FBXL7: variants seen among roughly 807,000 people sequenced by gnomAD.
FBXL7 encodes the protein F-box/LRR-repeat protein 7.
In FBXL7, 12 loss-of-function variants were observed where a neutral mutation model predicts 38.3. The observed-to-expected ratio is 0.31, with a 90% CI of 0.20 to 0.51. FBXL7 has a LOEUF of 0.51. Among genes scored for constraint, FBXL7 ranks in the 20% least tolerant of loss-of-function variants. The pLI is 0.98. For synonymous variants in FBXL7, 297 were observed against 300.9 expected (o/e 0.99, Z 0.13); for missense variants, 567 against 676.4 (o/e 0.84, Z 1.79).
intron 2 of FBXL7, among the ~76,000 whole-genome samples, chr5:15,863,658 G>T (rs190258290): frequency 6.6e-6 from 1 of 152,208 alleles, no homozygotes; most frequent in African/African-American, 2.4e-5. Flanking sequence ...GGGAGGTGGG[G>T]CCTAGTGGGA....
chr5:15,755,448 CTG>C (rs1736271850), intron 2 of FBXL7, among the ~76,000 whole-genome samples: 1 of 152,094 alleles, frequency 6.6e-6, no homozygotes, highest in African/African-American at 2.4e-5. Flanking sequence ...CTCTTTCTCT[CTG>C]TGTCTCCCAT....
intron 1 of FBXL7, chr5:15,501,791 A>G: frequency 1.0e-6 from 1 of 968,650 alleles, no homozygotes; most frequent in Non-Finnish European, 1.2e-6. Context: ...TACAAAAACC[A>G]TATCCACAAG....
At position 15,556,704 on chromosome 5, in the gene FBXL7, C is replaced by G. The variant is rs1263053901; in HGVS notation, c.37+55991C>G. On this transcript the variant is annotated intron_variant, in intron 1 of 3. Coordinates refer to ENST00000504595, the MANE Select transcript of FBXL7 (RefSeq NM_012304.5). ...AATCAATTTTTAGACTCCTCTTCAT[C>G]TTCTATTTGCATGACTGTGCCAATC... is the stretch of plus-strand genomic sequence containing the variant. Among the ~76,000 whole-genome samples, 4 of 152,154 alleles carry G rather than the reference C, an allele frequency of 2.6e-5. No homozygotes were observed. The South Asian group carries it at 8.3e-4, about 32-fold the overall frequency.
chr5:15,788,711 C>T (rs562871976), intron 2 of FBXL7, among the ~76,000 whole-genome samples: 7 of 151,688 alleles, frequency 4.6e-5, no homozygotes, highest in East Asian at 3.9e-4. Context: ...TTTTCTTTGA[C>T]GGAGTCTCGC....
At chr5:15,685,479 T>C (rs1214143535) in intron 2 of FBXL7, among the ~76,000 whole-genome samples, 1 of 152,176 alleles carries the variant, frequency 6.6e-6, no homozygotes, top group Admixed American at 6.5e-5. Context: ...GGGGAGACTA[T>C]TTCAGGTGAA....
At chr5:15,856,081 T>C (rs1177683153) in intron 2 of FBXL7, among the ~76,000 whole-genome samples, 1 of 152,170 alleles carries the variant, frequency 6.6e-6, no homozygotes, top group African/African-American at 2.4e-5. Flanking sequence ...AGAGGTTTCA[T>C]TGGACATATA....
chr5:15,834,642 TC>T (rs1200118631), intron 2 of FBXL7, among the ~76,000 whole-genome samples: 1 of 152,198 alleles, frequency 6.6e-6, no homozygotes, highest in Non-Finnish European at 1.5e-5. Context: ...TAAATGCACA[TC>T]TTTCTGATTA....
intron 3 of FBXL7, among the ~76,000 whole-genome samples, chr5:15,929,873 G>T (rs1358854465): frequency 1.3e-5 from 2 of 152,144 alleles, no homozygotes; most frequent in Non-Finnish European, 2.9e-5. Context: ...ACCTCAGGGA[G>T]TTTGGGGGAG....
At chr5:15,859,582 G>T (rs958332021) in intron 2 of FBXL7, among the ~76,000 whole-genome samples, 6 of 152,242 alleles carry the variant, frequency 3.9e-5, no homozygotes, top group Middle Eastern at 3.4e-3. Context: ...GTCATGTCTC[G>T]CATGGCGGCA....
chr5:15,713,853 A>G (rs1743956785), intron 2 of FBXL7, among the ~76,000 whole-genome samples: 1 of 152,240 alleles, frequency 6.6e-6, no homozygotes, highest in Non-Finnish European at 1.5e-5. Flanking sequence ...GGTGGATGAT[A>G]AAAAGTCTCT....
intron 2 of FBXL7, among the ~76,000 whole-genome samples, chr5:15,721,219 A>G (rs1744186296): frequency 6.6e-6 from 1 of 152,122 alleles, no homozygotes; most frequent in African/African-American, 2.4e-5. Flanking sequence ...TGGCTTATAG[A>G]CCATTTCTTG....
At chr5:15,726,300 C>T (rs1416584806) in intron 2 of FBXL7, among the ~76,000 whole-genome samples, 1 of 152,024 alleles carries the variant, frequency 6.6e-6, no homozygotes, top group Non-Finnish European at 1.5e-5. Context: ...TGGCTATTGT[C>T]CCAGCTACTC....
chr5:15,670,662 G>A (rs1228805760), intron 2 of FBXL7, among the ~76,000 whole-genome samples: 2 of 152,090 alleles, frequency 1.3e-5, no homozygotes, highest in East Asian at 3.9e-4. Context: ...TTAGTCCGGT[G>A]CAATGGCATG....
At chr5:15,852,841 A>T (rs1465122924) in intron 2 of FBXL7, among the ~76,000 whole-genome samples, 1 of 152,178 alleles carries the variant, frequency 6.6e-6, no homozygotes, top group Admixed American at 6.5e-5. Context: ...GCCACTGTAC[A>T]TATGGAGCTT....
chr5:15,633,755 T>C (rs1741075535), intron 2 of FBXL7, among the ~76,000 whole-genome samples: 1 of 145,798 alleles, frequency 6.9e-6, no homozygotes, highest in African/African-American at 2.5e-5. Flanking sequence ...TTATTATTAT[T>C]ATTATTATTA....
rs1200961397 is a variant in FBXL7 at position 15,937,060 on chromosome 5, C to T, written c.1350C>T (p.Ala450=). The T allele has an allele frequency of 1.2e-6, 2 of 1,613,990 alleles. No homozygotes were observed. The highest frequency in any genetic ancestry group is 8.5e-7 in the Non-Finnish European group (1 of 1,179,894). ...CCGGCCAGGGCTTGCAGATCGTGGCCGCCAACTGCTTTGACCTCCAGACGC... is the reference window on the plus strand; with the variant it reads ...CCGGCCAGGGCTTGCAGATCGTGGCTGCCAACTGCTTTGACCTCCAGACGC... ...SITGQGLQIV[A]ANCFDLQTLN... Residue 450 remains alanine, a synonymous_variant, in exon 4 of 4, where the codon GCC becomes GCT. Transcript: ENST00000504595.
At chr5:15,851,021 G>A (rs973183212) in intron 2 of FBXL7, among the ~76,000 whole-genome samples, 2 of 152,152 alleles carry the variant, frequency 1.3e-5, no homozygotes, top group Non-Finnish European at 2.9e-5. Context: ...GCTCAGCTGA[G>A]TGCTCATTCT....
chr5:15,575,102 C>T (rs1738914120), intron 1 of FBXL7, among the ~76,000 whole-genome samples: 1 of 152,026 alleles, frequency 6.6e-6, no homozygotes, highest in Admixed American at 6.6e-5. Context: ...TGTTAAACAT[C>T]CTAAAATACA....
chr5:15,539,812 T>C (rs1737687336), intron 1 of FBXL7, among the ~76,000 whole-genome samples: 1 of 152,044 alleles, frequency 6.6e-6, no homozygotes, highest in African/African-American at 2.4e-5. Context: ...GGATTATTCT[T>C]CTAAAAACTC....
Sources: gnomAD v4.1 joint callset for allele counts (sites outside exome capture counted in the v4.1 genomes callset) on GRCh38, gnomAD v4.1.1 for gene constraint, MANE v1.5 for transcripts, NCBI Gene and HGNC (gene_info 2026-07-23, HGNC 2026-07-21) for gene names.